The following ROBO1 variants were observed in gnomAD, a reference collection of about 807,000 sequenced individuals.
ROBO1 encodes roundabout homolog 1.
In ROBO1, 149 loss-of-function variants were observed where a neutral mutation model predicts 195.9. That is an observed-to-expected ratio of 0.76 (90% CI 0.67 to 0.87). The LOEUF (loss-of-function observed/expected upper bound fraction) is 0.87, where lower values mean the gene tolerates loss of function less well. ROBO1 is among the 40% of genes least tolerant of loss of function. The pLI is 0.00. For missense variants in ROBO1, 1,933 were observed against 2,068.3 expected (o/e 0.93, Z 1.27); for synonymous variants, 816 against 733.2 (o/e 1.11, Z -1.82).
At chr3:78,670,497 C>T in intron 10 of ROBO1, 196 bp from the exon 11 acceptor site, 1 of 570,126 alleles carries the variant, frequency 1.8e-6, no homozygotes, top group Admixed American at 3.2e-5. Context: ...ACACAATGTG[C>T]TACTTTCAAA....
At chr3:78,760,849 G>A (rs549170637) in intron 4 of ROBO1, among the ~76,000 whole-genome samples, 4 of 151,768 alleles carry the variant, frequency 2.6e-5, no homozygotes, top group Non-Finnish European at 4.4e-5. Flanking sequence ...ACTTTGTTGC[G>A]TGGGTTAGTC....
intron 28 of ROBO1, among the ~76,000 whole-genome samples, chr3:78,609,585 G>A (rs1377198618): frequency 6.6e-6 from 1 of 152,066 alleles, no homozygotes; most frequent in African/African-American, 2.4e-5. Context: ...TGTGTACATA[G>A]GGCTTTACTC....
chr3:79,460,050 A>T (rs1296367686), intron 2 of ROBO1, among the ~76,000 whole-genome samples: 1 of 152,168 alleles, frequency 6.6e-6, no homozygotes, highest in African/African-American at 2.4e-5. Flanking sequence ...ATCAATTTTG[A>T]TTCAAAAATT....
chr3:79,102,937 T>A (rs928102229), intron 3 of ROBO1, among the ~76,000 whole-genome samples: 2 of 151,744 alleles, frequency 1.3e-5, no homozygotes, highest in Non-Finnish European at 2.9e-5. Context: ...AAATTCCTAG[T>A]GGCCTGGGAT....
At chr3:79,618,123 G>C (rs956618686) in intron 1 of ROBO1, among the ~76,000 whole-genome samples, 6 of 151,822 alleles carry the variant, frequency 4.0e-5, no homozygotes, top group Non-Finnish European at 4.4e-5. Flanking sequence ...GGAAATAGAG[G>C]ATTATGTAAA....
At position 78,938,540 on chromosome 3, in the gene ROBO1, C is replaced by G; in HGVS notation, c.499+61G>C. On this transcript the variant is annotated intron_variant, in intron 4 of 30. Coordinates refer to ENST00000464233, the MANE Select transcript of ROBO1 (RefSeq NM_002941.4). ...AAATTCGACTTTTCATTGCCATGAT[C>G]AAACAAATGACGCCACTCTGCCACT... The G allele has an allele frequency of 2.8e-6, 4 of 1,443,384 alleles. No homozygotes were observed. The South Asian group carries it at 5.5e-5, about 20-fold the overall frequency. 89.4% of individuals were successfully genotyped at this position (1,443,384 alleles called of 1,614,324 possible). A position where few individuals can be genotyped will look rare whatever the true frequency, so the allele number is the denominator to read the frequency against.
intron 2 of ROBO1, among the ~76,000 whole-genome samples, chr3:79,538,433 T>G (rs866996129): frequency 1.3e-5 from 2 of 152,082 alleles, no homozygotes; most frequent in Non-Finnish European, 2.9e-5. Context: ...AGAGATTTTA[T>G]TTAGTTGTAA....
intron 2 of ROBO1, among the ~76,000 whole-genome samples, chr3:79,457,778 G>T (rs2107238664): frequency 6.6e-6 from 1 of 152,234 alleles, no homozygotes; most frequent in Non-Finnish European, 1.5e-5. Flanking sequence ...ATGATTGTGA[G>T]GCCTCCCCAG....
chr3:79,163,440 T>C lies in ROBO1; in HGVS notation c.89-37901A>G, dbSNP rs532918275. ...GTTCATTCATCTGCTGATGGACATT[T>C]GGATTGCTTCCATATTTCAGCTGTT... On this transcript the variant is annotated intron_variant, in intron 2 of 30. Coordinates refer to ENST00000464233, the MANE Select transcript of ROBO1 (RefSeq NM_002941.4). 2.6e-5 allele frequency among the ~76,000 whole-genome samples: 4 copies of C among 152,262 alleles called. No individual in the cohort carries two copies. The East Asian group carries it at 7.7e-4, about 29-fold the overall frequency.
At chr3:79,376,941 A>T (rs2036406109) in intron 2 of ROBO1, among the ~76,000 whole-genome samples, 1 of 152,214 alleles carries the variant, frequency 6.6e-6, no homozygotes, top group South Asian at 2.1e-4. Context: ...ACTTTCACTT[A>T]TATAACAATA....
At chr3:79,564,152 CA>C (rs11294278) in intron 2 of ROBO1, among the ~76,000 whole-genome samples, 36,858 of 150,558 alleles carry the variant, frequency 0.24, 5,126 homozygotes, top group African/African-American at 0.38. Context: ...GACTGAATAA[CA>C]AAAAAAAAGT....
chr3:78,835,445 T>C (rs1298390131), intron 4 of ROBO1, among the ~76,000 whole-genome samples: 1 of 152,180 alleles, frequency 6.6e-6, no homozygotes, highest in African/African-American at 2.4e-5. Flanking sequence ...CACAGGTTTA[T>C]AAGCAACATT....
At chr3:78,809,783 T>A (rs1018498192) in intron 4 of ROBO1, among the ~76,000 whole-genome samples, 7 of 122,154 alleles carry the variant, frequency 5.7e-5, no homozygotes, top group African/African-American at 1.9e-4. Flanking sequence ...AAGTGGGAGT[T>A]GAACAATGAG....
chr3:78,868,049 G>T (rs1305506101), intron 4 of ROBO1, among the ~76,000 whole-genome samples: 3 of 152,090 alleles, frequency 2.0e-5, no homozygotes, highest in Admixed American at 6.6e-5. Flanking sequence ...TGAGTACAAA[G>T]AAAGATTATT....
chr3:78,672,318 G>A (rs1466210443), intron 10 of ROBO1, among the ~76,000 whole-genome samples: 6 of 152,076 alleles, frequency 3.9e-5, no homozygotes, highest in African/African-American at 1.2e-4. Flanking sequence ...TGGGGCTCAC[G>A]CCTGTAATCC....
chr3:79,022,242 A>C (rs999727702), intron 3 of ROBO1, among the ~76,000 whole-genome samples: 5 of 152,196 alleles, frequency 3.3e-5, no homozygotes, highest in Non-Finnish European at 5.9e-5. Flanking sequence ...CGTGCAAATA[A>C]ACACTTAGTG....
intron 8 of ROBO1, among the ~76,000 whole-genome samples, chr3:78,703,175 T>C (rs1034132379): frequency 6.6e-6 from 1 of 152,158 alleles, no homozygotes; most frequent in Non-Finnish European, 1.5e-5. Context: ...AGAAGTTCTT[T>C]ACTTTATTCC....
intron 2 of ROBO1, among the ~76,000 whole-genome samples, chr3:79,321,832 A>T (rs2033993801): frequency 6.6e-6 from 1 of 152,214 alleles, no homozygotes; most frequent in Admixed American, 6.6e-5. Context: ...TACCAAAACC[A>T]AGCACATAAC....
At chr3:79,325,500 T>G (rs1240627386) in intron 2 of ROBO1, among the ~76,000 whole-genome samples, 1 of 152,190 alleles carries the variant, frequency 6.6e-6, no homozygotes, top group African/African-American at 2.4e-5. Flanking sequence ...AAATATCACA[T>G]GCAAATATTA....
Sources: gnomAD v4.1 joint callset for allele counts (sites outside exome capture counted in the v4.1 genomes callset) on GRCh38, gnomAD v4.1.1 for gene constraint, MANE v1.5 for transcripts, NCBI Gene and HGNC (gene_info 2026-07-23, HGNC 2026-07-21) for gene names.